The following CTNNA3 variants were observed in gnomAD, a reference collection of about 807,000 sequenced individuals.
CTNNA3 encodes catenin alpha 3, also known as catenin alpha-3.
A neutral mutation model predicts 95.7 loss-of-function variants in CTNNA3; 76 were observed. That is an observed-to-expected ratio of 0.79 (90% CI 0.66 to 0.96). The LOEUF is 0.96. Among genes scored for constraint, CTNNA3 ranks in the 40% least tolerant of loss-of-function variants. The pLI, the probability that CTNNA3 is intolerant of heterozygous loss-of-function variation, is 0.00. For missense variants in CTNNA3, 1,191 were observed against 1,089.8 expected, an observed-to-expected ratio of 1.09 and a Z score of -1.31; for synonymous variants, 431 against 374.4, an observed-to-expected ratio of 1.15 and a Z score of -1.74.
At chr10:66,971,913 A>ATT (rs1849745391) in intron 7 of CTNNA3, among the ~76,000 whole-genome samples, 2 of 151,918 alleles carry the variant, frequency 1.3e-5, no homozygotes, top group African/African-American at 4.8e-5. Context: ...TTTTTTTTAA[A>ATT]CATGCTAATG....
chr10:66,770,573 A>G (rs1241518290), intron 8 of CTNNA3, among the ~76,000 whole-genome samples: 1 of 152,164 alleles, frequency 6.6e-6, no homozygotes, highest in Non-Finnish European at 1.5e-5. Flanking sequence ...AAAGGCTTTG[A>G]GACATCAATT....
At chr10:67,467,159 TG>T (rs1847627170) in intron 5 of CTNNA3, among the ~76,000 whole-genome samples, 1 of 151,976 alleles carries the variant, frequency 6.6e-6, no homozygotes, top group Non-Finnish European at 1.5e-5. Context: ...AAAAGAAAAT[TG>T]TTGAACTGGA....
chr10:66,086,946 A>G (rs1043738573), intron 14 of CTNNA3, among the ~76,000 whole-genome samples: 2 of 152,124 alleles, frequency 1.3e-5, no homozygotes, highest in African/African-American at 2.4e-5. Context: ...TCTAATAAAA[A>G]GCAGCCTGAA....
intron 7 of CTNNA3, among the ~76,000 whole-genome samples, chr10:66,836,499 G>A (rs536015614): frequency 4.6e-5 from 7 of 152,098 alleles, no homozygotes; most frequent in South Asian, 2.1e-4. Flanking sequence ...GAATGGTTTC[G>A]GCAGCAGACT....
At chr10:66,333,596 G>GT (rs1268062883) in intron 12 of CTNNA3, among the ~76,000 whole-genome samples, 5 of 152,136 alleles carry the variant, frequency 3.3e-5, no homozygotes, top group Non-Finnish European at 7.4e-5. Flanking sequence ...CTGAGAGACA[G>GT]TTTTTTACAA....
chr10:66,667,383 T>A (rs1846494286), intron 9 of CTNNA3, among the ~76,000 whole-genome samples: 1 of 152,138 alleles, frequency 6.6e-6, no homozygotes, highest in African/African-American at 2.4e-5. Context: ...GCCAGTAATT[T>A]GCAGAAACAA....
At chr10:67,534,818 G>C (rs1486646597) in intron 4 of CTNNA3, among the ~76,000 whole-genome samples, 1 of 152,100 alleles carries the variant, frequency 6.6e-6, no homozygotes, top group Non-Finnish European at 1.5e-5. Flanking sequence ...CTGAAAATAT[G>C]AGCTCCCAAG....
chr10:67,679,351 A>G (rs1023336866), intron 1 of CTNNA3, among the ~76,000 whole-genome samples: 1 of 152,192 alleles, frequency 6.6e-6, no homozygotes, highest in Non-Finnish European at 1.5e-5. Context: ...TCCTCTGAGA[A>G]GCAAAAGCAC....
Position 66,153,955 on chromosome 10 carries a change from G to A in CTNNA3, c.1885-50706C>T, listed in dbSNP as rs7902060. Among the ~76,000 whole-genome samples the A allele has an allele frequency of 3.2e-3, 478 of 151,548 alleles. 2 individuals are homozygous for A. Among genetic ancestry groups the A allele is most frequent in the African/African-American group, 0.011 (460 of 41,398 alleles). ...GATCTGTTGGCGGGCTGGACCATTT[G>A]AAACTTACTCCTTACTCTATCATAC... On this transcript the variant is annotated intron_variant, in intron 13 of 17. Transcript: ENST00000433211.
intron 11 of CTNNA3, among the ~76,000 whole-genome samples, chr10:66,381,076 A>G (rs2092834949): frequency 6.6e-6 from 1 of 152,174 alleles, no homozygotes; most frequent in Non-Finnish European, 1.5e-5. Context: ...TTTTTGAAAA[A>G]AGAAAATAAA....
chr10:66,142,657 T>C (rs1042346009), intron 13 of CTNNA3, among the ~76,000 whole-genome samples: 3 of 152,090 alleles, frequency 2.0e-5, no homozygotes, highest in South Asian at 2.1e-4. Context: ...CCTTTTGCTA[T>C]GACACTGTGA....
intron 9 of CTNNA3, among the ~76,000 whole-genome samples, chr10:66,652,097 TAAAAAA>T (rs59359956): frequency 8.2e-6 from 1 of 122,404 alleles, no homozygotes; most frequent in African/African-American, 2.9e-5. Flanking sequence ...CTCAAGGAAC[TAAAAAA>T]AAAAAAAAAA....
intron 7 of CTNNA3, among the ~76,000 whole-genome samples, chr10:66,989,825 T>A (rs922253485): frequency 6.6e-6 from 1 of 152,148 alleles, no homozygotes; most frequent in African/African-American, 2.4e-5. Context: ...CTTGAGTGCT[T>A]TTATTATCCA....
chr10:66,003,330 G>T (rs2078807660), intron 15 of CTNNA3, among the ~76,000 whole-genome samples: 2 of 111,812 alleles, frequency 1.8e-5, no homozygotes. Context: ...GGTGGTGGTG[G>T]TGTGTGTGTG....
At chr10:66,283,767 G>A (rs1201643479) in intron 12 of CTNNA3, among the ~76,000 whole-genome samples, 1 of 151,900 alleles carries the variant, frequency 6.6e-6, no homozygotes, top group African/African-American at 2.4e-5. Context: ...AACATCAGCT[G>A]TGGGTGTACT....
At chr10:66,974,033 A>T (rs1348103916) in intron 7 of CTNNA3, among the ~76,000 whole-genome samples, 1 of 152,240 alleles carries the variant, frequency 6.6e-6, no homozygotes, top group Non-Finnish European at 1.5e-5. Context: ...ACCACCACAC[A>T]AATCAAGATA....
At chr10:66,547,593 C>T (rs560566005) in intron 10 of CTNNA3, among the ~76,000 whole-genome samples, 5 of 151,770 alleles carry the variant, frequency 3.3e-5, no homozygotes, top group African/African-American at 7.3e-5. Flanking sequence ...CCACCCTCCT[C>T]GGCCTCCCAA....
chr10:67,585,798 T>C (rs1001141671), intron 3 of CTNNA3, among the ~76,000 whole-genome samples: 1 of 152,136 alleles, frequency 6.6e-6, no homozygotes, highest in African/African-American at 2.4e-5. Context: ...GTTGATCTTT[T>C]GTATTTTTTT....
At chr10:67,681,570 G>A (rs1840626694) in intron 1 of CTNNA3, among the ~76,000 whole-genome samples, 4 of 151,886 alleles carry the variant, frequency 2.6e-5, no homozygotes, top group Admixed American at 2.6e-4. Flanking sequence ...GAATATATAA[G>A]TTTATGTATA....
Sources: gnomAD v4.1 joint callset for allele counts (sites outside exome capture counted in the v4.1 genomes callset) on GRCh38, gnomAD v4.1.1 for gene constraint, MANE v1.5 for transcripts, NCBI Gene and HGNC (gene_info 2026-07-23, HGNC 2026-07-21) for gene names.